Variants in PRPF8 observed in about 807,000 individuals in gnomAD.
PRPF8 encodes pre-mRNA-processing-splicing factor 8.
A neutral mutation model predicts 285.9 loss-of-function variants in PRPF8; 64 were observed. The observed-to-expected ratio is 0.22, with a 90% confidence interval of 0.18 to 0.28. The LOEUF (loss-of-function observed/expected upper bound fraction) is 0.28, where lower values mean the gene tolerates loss of function less well. Among genes scored for constraint, PRPF8 ranks in the 10% least tolerant of loss-of-function variants. PRPF8 has a pLI of 1.00. For missense variants in PRPF8, 1,426 were observed against 3,026.7 expected (o/e 0.47, Z 12.41); for synonymous variants, 1,325 against 1,118.2 (o/e 1.18, Z -3.69).
In PRPF8 at chr17:1,675,358, G is replaced by T; in HGVS notation, c.2873-19C>A. On this transcript the variant is annotated intron_variant, in intron 19 of 42. Transcript: ENST00000304992. The surrounding 1 kb of genome is among the most constrained non-coding windows in gnomAD (Gnocchi z 6.0). ...TTGATGCCTGAGGAGTAGCAAGGCAGGTCTCCAGCAGGTTAGAAATCCTCT... is the reference window on the plus strand; with the variant it reads ...TTGATGCCTGAGGAGTAGCAAGGCATGTCTCCAGCAGGTTAGAAATCCTCT... 1 of 1,613,826 alleles carries T rather than the reference G, an allele frequency of 6.2e-7. No individual in the cohort carries two copies. Among genetic ancestry groups the T allele is most frequent in the Non-Finnish European group, 8.5e-7 (1 of 1,179,874 alleles).
intron 24 of PRPF8, among the ~76,000 whole-genome samples, chr17:1,663,352 T>C (rs763309918): frequency 3.4e-4 from 52 of 151,854 alleles, no homozygotes; most frequent in African/African-American, 9.9e-4. Context: ...CATTGCCACA[T>C]TGATAGTTAC....
intron 24 of PRPF8, among the ~76,000 whole-genome samples, chr17:1,671,432 T>C (rs1912308781): frequency 6.6e-6 from 1 of 152,122 alleles, no homozygotes; most frequent in South Asian, 2.1e-4. Flanking sequence ...ATGAAAATAT[T>C]TCAAGGCTGG....
intron 37 of PRPF8, chr17:1,654,956 G>A (rs190566451): frequency 1.4e-4 from 30 of 210,208 alleles, no homozygotes; most frequent in Admixed American, 6.8e-4. Context: ...CTTGAGAAAC[G>A]TCTTTTTTTT....
At position 1,651,566 on chromosome 17, in the gene PRPF8, A is replaced by G. The variant is rs1397890724; in HGVS notation, c.6511-13T>C. ...AGGGTTCCATCTCCTATAGGTAAAGAGGAGTACAGAGCTGAATCCCATCCA... is the reference window on the plus strand; with the variant it reads ...AGGGTTCCATCTCCTATAGGTAAAGGGGAGTACAGAGCTGAATCCCATCCA... On this transcript the variant is annotated splice_polypyrimidine_tract_variant and intron_variant, in intron 40 of 42. Coordinates refer to ENST00000304992, the MANE Select transcript of PRPF8 (RefSeq NM_006445.4). This position sits in a 1 kb window ranked among gnomAD's most constrained non-coding sequence, Gnocchi z 5.1. The G allele has an allele frequency of 6.8e-6, 11 of 1,613,964 alleles. No individual in the cohort carries two copies. Among genetic ancestry groups the G allele is most frequent in the Non-Finnish European group, 8.5e-6 (10 of 1,180,018 alleles).
At chr17:1,660,291 CCCA>C (rs1911610937) in intron 30 of PRPF8, 138 bp downstream of exon 30, 19 of 1,485,254 alleles carry the variant, frequency 1.3e-5, no homozygotes, top group Admixed American at 8.4e-5. Context: ...GTACCCTCTC[CCCA>C]CGATTCCACC....
intron 24 of PRPF8, among the ~76,000 whole-genome samples, chr17:1,668,081 A>C (rs1912093657): frequency 1.3e-5 from 2 of 152,258 alleles, no homozygotes; most frequent in African/African-American, 4.8e-5. Flanking sequence ...CCTATTTTAC[A>C]GATGAGGGAA....
At chr17:1,677,509 G>A (rs1912667361) in intron 14 of PRPF8, 56 bp downstream of exon 14, 3 of 1,612,952 alleles carry the variant, frequency 1.9e-6, no homozygotes, top group Admixed American at 1.7e-5. Flanking sequence ...CTCAAACAGG[G>A]GCAGGTACTT....
At chr17:1,680,589 T>C in intron 8 of PRPF8, 137 bp downstream of exon 8, 2 of 794,594 alleles carry the variant, frequency 2.5e-6, no homozygotes, top group Non-Finnish European at 4.3e-6. Flanking sequence ...TGAATTCTCA[T>C]ATTCGCTTAT....
At chr17:1,683,765 C>T in intron 2 of PRPF8, 64 bp from the exon 3 acceptor site, 1 of 1,591,472 alleles carries the variant, frequency 6.3e-7, no homozygotes, top group Non-Finnish European at 8.6e-7. Flanking sequence ...ACCTCTTGCC[C>T]TAGGGTAAGC....
chr17:1,656,571 A>G lies in PRPF8; in HGVS notation c.5620-6T>C, dbSNP rs1315810710. 1 of 1,614,018 alleles carries G rather than the reference A, an allele frequency of 6.2e-7. No homozygotes were observed. Among genetic ancestry groups the G allele is most frequent in the African/African-American group, 1.3e-5 (1 of 74,888 alleles). Reference sequence around the variant, plus strand: ...GGGAAGTCCAGTAAGTGCACCTAAGACAAGATCAAGTCCAAGATGAGAAAC... The same window carrying G: ...GGGAAGTCCAGTAAGTGCACCTAAGGCAAGATCAAGTCCAAGATGAGAAAC... On this transcript the variant is annotated splice_polypyrimidine_tract_variant and splice_region_variant and intron_variant, in intron 35 of 42. Coordinates refer to ENST00000304992, the MANE Select transcript of PRPF8 (RefSeq NM_006445.4).
At chr17:1,660,294 A>C (rs549964754) in intron 30 of PRPF8, 138 bp downstream of exon 30, 14 of 1,447,066 alleles carry the variant, frequency 9.7e-6, no homozygotes, top group East Asian at 6.9e-5. Context: ...CCCTCTCCCC[A>C]CGATTCCACC....
chr17:1,673,287 C>T lies in PRPF8; in HGVS notation c.3657+70G>A. On this transcript the variant is annotated intron_variant, in intron 23 of 42. Coordinates refer to ENST00000304992, the MANE Select transcript of PRPF8 (RefSeq NM_006445.4). The surrounding 1 kb of genome is among the most constrained non-coding windows in gnomAD (Gnocchi z 5.5). ...CCACCACTCAAGTCTTTCCACCCAA[C>T]AAGACTCCGGTGACTGACCCAGGAA... 1 of 1,605,164 alleles carries T rather than the reference C, an allele frequency of 6.2e-7. No individual in the cohort carries two copies. The highest frequency in any genetic ancestry group is 1.7e-4 in the Middle Eastern group (1 of 6,040).
Position 1,680,843 on chromosome 17 carries a change from G to A in PRPF8, c.993-12C>T, listed in dbSNP as rs1912876414. The A allele has an allele frequency of 2.5e-6, 4 of 1,614,016 alleles. No homozygotes were observed. The highest frequency in any genetic ancestry group is 3.4e-6 in the Non-Finnish European group (4 of 1,179,914). On this transcript the variant is annotated splice_polypyrimidine_tract_variant and intron_variant, in intron 7 of 42. Transcript: ENST00000304992. ...TGGGAGTATGGTACCTAAAATGAAA[G>A]GAAGAGTCAGCCAAAGTTTTCCCGC...
intron 36 of PRPF8, 97 bp downstream of exon 36, chr17:1,656,295 G>A (rs918970103): frequency 6.8e-7 from 1 of 1,467,600 alleles, no homozygotes; most frequent in Non-Finnish European, 9.5e-7. Context: ...CAATCTATAG[G>A]CTAAAAATGT....
Position 1,658,881 on chromosome 17 carries a change from CAT to C in PRPF8, c.5139-120_5139-119del, listed in dbSNP as rs760876864. ...TTCGCCAGGCTGACAACACTCTGCT[CAT>C]GTGTACATACAGGCTGGAGAAGAGA... On this transcript the variant is annotated intron_variant, in intron 32 of 42. Coordinates refer to ENST00000304992, the MANE Select transcript of PRPF8 (RefSeq NM_006445.4). The surrounding 1 kb of genome is among the most constrained non-coding windows in gnomAD (Gnocchi z 4.1). 39 of 866,914 alleles carry C rather than the reference CAT, an allele frequency of 4.5e-5. No individual in the cohort carries two copies. The highest frequency in any genetic ancestry group is 6.4e-5 in the Non-Finnish European group (33 of 518,072). The allele number at this position is 866,914 out of a possible 1,614,324, so 53.7% of individuals were successfully genotyped here. A position where few individuals can be genotyped will look rare whatever the true frequency, so the allele number is the denominator to read the frequency against.
Position 1,675,776 on chromosome 17 carries a change from C to G in PRPF8, c.2716G>C (p.Val906Leu). The G allele has an allele frequency of 1.9e-6, 3 of 1,614,146 alleles. No homozygotes were observed. Among genetic ancestry groups the G allele is most frequent in the Non-Finnish European group, 2.5e-6 (3 of 1,180,040 alleles). Residue 906 changes from valine to leucine, a missense_variant, in exon 19 of 43, where the codon GTT becomes CTT. Physicochemically the swap from Val to Leu is conservative, Grantham distance 32. Transcript: ENST00000304992. The surrounding 1 kb of genome is among the most constrained non-coding windows in gnomAD (Gnocchi z 6.0). Reference sequence around the variant, plus strand: ...AGGGGCTCAACATCATATACTGGAACGAGGTGGCTATACAGATCCATGAAC... The same window carrying G: ...AGGGGCTCAACATCATATACTGGAAGGAGGTGGCTATACAGATCCATGAAC... ...IEFMDLYSHL[V>L]PVYDVEPLEK... is the part of the protein sequence containing the mutation.
rs1340568895 is a variant in PRPF8, at chr17:1,679,912, GCTGT to G, written c.1099-117_1099-114del. 1 of 1,296,214 alleles carries G rather than the reference GCTGT, an allele frequency of 7.7e-7. No individual in the cohort carries two copies. Among genetic ancestry groups the G allele is most frequent in the Non-Finnish European group, 1.1e-6 (1 of 893,758 alleles). The allele number at this position is 1,296,214 out of a possible 1,614,324, so 80.3% of individuals were successfully genotyped here. A position where few individuals can be genotyped will look rare whatever the true frequency, so the allele number is the denominator to read the frequency against. Reference sequence around the variant, plus strand: ...AGCCTGTATCTGCTATGGAAACTGGGCTGTCTGACAAAAGCAGCCCTGAAGTGCC... The same window carrying G: ...AGCCTGTATCTGCTATGGAAACTGGGCTGACAAAAGCAGCCCTGAAGTGCC... On this transcript the variant is annotated intron_variant, in intron 8 of 42. Coordinates refer to ENST00000304992, the MANE Select transcript of PRPF8 (RefSeq NM_006445.4). This position sits in a 1 kb window ranked among gnomAD's most constrained non-coding sequence, Gnocchi z 4.7.
chr17:1,683,646 C>G lies in PRPF8; in HGVS notation c.156G>C (p.Gly52=), dbSNP rs1291613363. Reference sequence around the variant, plus strand: ...TGTCTTCCTTCTGGGCATCCACAAACCCAAACTTCCGCTTTTCTGCATAGC... The same window carrying G: ...TGTCTTCCTTCTGGGCATCCACAAAGCCAAACTTCCGCTTTTCTGCATAGC... ...AKRYAEKRKF[G]FVDAQKEDMP... Residue 52 remains glycine (G), a synonymous_variant, in exon 3 of 43, where the codon GGG becomes GGC. Coordinates refer to ENST00000304992, the MANE Select transcript of PRPF8 (RefSeq NM_006445.4). 6.2e-7 allele frequency: 1 copy of G among 1,614,170 alleles called. No homozygotes were observed. Among genetic ancestry groups the G allele is most frequent in the Non-Finnish European group, 8.5e-7 (1 of 1,180,040 alleles).
At chr17:1,652,184 A>G (rs573038944) in intron 39 of PRPF8, 4 of 354,264 alleles carry the variant, frequency 1.1e-5, no homozygotes, top group South Asian at 9.4e-5. Context: ...TCTGTTTACT[A>G]TAAACTCACC....
Sources: gnomAD v4.1 joint callset for allele counts (sites outside exome capture counted in the v4.1 genomes callset) on GRCh38, gnomAD v4.1.1 for gene constraint, Gnocchi (gnomAD v3.1) non-coding constraint, MANE v1.5 for transcripts, NCBI Gene and HGNC (gene_info 2026-07-23, HGNC 2026-07-21) for gene names.